The following SEL1L2 variants were observed in gnomAD, a reference collection of about 807,000 sequenced individuals.
The protein encoded by SEL1L2 is protein sel-1 homolog 2.
In SEL1L2, 89 loss-of-function variants were observed where a neutral mutation model predicts 98.8. The observed-to-expected ratio is 0.90, with a 90% confidence interval of 0.76 to 1.07. The LOEUF (loss-of-function observed/expected upper bound fraction) is 1.07. SEL1L2 is among the 50% of genes least tolerant of loss of function. The pLI, the probability that SEL1L2 is intolerant of heterozygous loss-of-function variation, is 0.00. For synonymous variants in SEL1L2, 262 were observed against 278.5 expected (o/e 0.94, Z 0.59); for missense variants, 788 against 812.0 (o/e 0.97, Z 0.36).
At chr20:13,980,282 C>T (rs1033216266) in intron 1 of SEL1L2, among the ~76,000 whole-genome samples, 3 of 152,198 alleles carry the variant, frequency 2.0e-5, no homozygotes, top group Non-Finnish European at 4.4e-5. Context: ...GTGGCGTGAT[C>T]TCAGCCCACT....
At chr20:13,872,997 T>C (rs1815979101) in intron 12 of SEL1L2, among the ~76,000 whole-genome samples, 1 of 151,300 alleles carries the variant, frequency 6.6e-6, no homozygotes, top group Non-Finnish European at 1.5e-5. Flanking sequence ...TTTTTTCTTT[T>C]TTTTTTTTTT....
At chr20:13,879,389 T>C (rs963235205) in intron 10 of SEL1L2, among the ~76,000 whole-genome samples, 1 of 152,132 alleles carries the variant, frequency 6.6e-6, no homozygotes, top group Admixed American at 6.5e-5. Context: ...TCTTGCTCTG[T>C]CACCCAGGCT....
intron 2 of SEL1L2, among the ~76,000 whole-genome samples, chr20:13,940,862 T>G (rs1352368787): frequency 6.6e-6 from 1 of 151,972 alleles, no homozygotes; most frequent in Non-Finnish European, 1.5e-5. Flanking sequence ...ATCTCACCAC[T>G]GCACTCCAGC....
At chr20:13,927,067 G>A (rs1174119004) in intron 3 of SEL1L2, among the ~76,000 whole-genome samples, 2 of 152,178 alleles carry the variant, frequency 1.3e-5, no homozygotes, top group Non-Finnish European at 2.9e-5. Flanking sequence ...TCATATGGAA[G>A]AATTAGTTGT....
chr20:13,916,777 G>T (rs901736139), intron 4 of SEL1L2, among the ~76,000 whole-genome samples: 1 of 152,096 alleles, frequency 6.6e-6, no homozygotes, highest in South Asian at 2.1e-4. Flanking sequence ...CTGCATTCCA[G>T]CCTGGGCAAC....
chr20:13,849,516 A>T lies in SEL1L2; in HGVS notation c.2036T>A (p.Leu679Gln). ...ATGGTGATTTCTAAGCAACAAAATC[A>T]GCCCAGGAACAATGAGGCCAATCAC... is the stretch of plus-strand genomic sequence containing the variant. ...LFVIGLIVPG[L>Q]ILLLRNHHG Residue 679 changes from leucine to glutamine, a missense_variant, in exon 20 of 20, where the codon CTG (leucine) becomes CAG (glutamine). By Grantham distance (113) the Leu-to-Gln change is moderately radical. Transcript: ENST00000284951. 9 of 1,614,126 alleles carry T rather than the reference A, an allele frequency of 5.6e-6. No homozygotes were observed. Among genetic ancestry groups the T allele is most frequent in the Non-Finnish European group, 7.6e-6 (9 of 1,179,972 alleles).
intron 4 of SEL1L2, among the ~76,000 whole-genome samples, chr20:13,916,506 G>A (rs1455121389): frequency 2.6e-5 from 4 of 152,050 alleles, no homozygotes; most frequent in Non-Finnish European, 5.9e-5. Flanking sequence ...CATTGCTACC[G>A]ACTCAAAAGG....
chr20:13,878,385 C>T (rs1166659999), intron 10 of SEL1L2, among the ~76,000 whole-genome samples: 2 of 151,248 alleles, frequency 1.3e-5, no homozygotes, highest in East Asian at 2.0e-4. Flanking sequence ...CTCACTGCAA[C>T]CTCCATCTTC....
intron 1 of SEL1L2, among the ~76,000 whole-genome samples, chr20:13,990,032 T>C (rs1022245720): frequency 3.3e-5 from 5 of 152,218 alleles, no homozygotes; most frequent in African/African-American, 9.6e-5. Flanking sequence ...TTAGGAAACA[T>C]TGAAACTTTG....
At chr20:13,879,373 A>G (rs1356339016) in intron 10 of SEL1L2, among the ~76,000 whole-genome samples, 3 of 152,084 alleles carry the variant, frequency 2.0e-5, no homozygotes, top group African/African-American at 7.2e-5. Context: ...TTTTTTTGAG[A>G]CAGAGTCTTG....
At chr20:13,851,614 T>C (rs1014875326) in intron 18 of SEL1L2, among the ~76,000 whole-genome samples, 2 of 152,156 alleles carry the variant, frequency 1.3e-5, no homozygotes, top group Non-Finnish European at 2.9e-5. Context: ...TGTGTTGCTT[T>C]ATTTTTGGTT....
chr20:13,949,098 A>G (rs1479044055), intron 2 of SEL1L2, among the ~76,000 whole-genome samples: 1 of 152,250 alleles, frequency 6.6e-6, no homozygotes, highest in Non-Finnish European at 1.5e-5. Flanking sequence ...CTATCCACAG[A>G]GTGAAAAGAC....
At chr20:13,991,300 A>G (rs745449667), upstream of SEL1L2, among the ~76,000 whole-genome samples, 1 of 152,244 alleles carries the variant, frequency 6.6e-6, no homozygotes, top group Non-Finnish European at 1.5e-5. Flanking sequence ...TTAGAAATAG[A>G]CATTTTATTG....
chr20:13,923,258 C>T (rs1264469915), intron 3 of SEL1L2, among the ~76,000 whole-genome samples: 2 of 152,046 alleles, frequency 1.3e-5, no homozygotes, highest in Non-Finnish European at 2.9e-5. Flanking sequence ...TTCAAATTTC[C>T]ATTCTAAGTT....
chr20:13,930,717 A>C (rs1053003781), intron 3 of SEL1L2, among the ~76,000 whole-genome samples: 12 of 152,220 alleles, frequency 7.9e-5, no homozygotes, highest in Non-Finnish European at 1.5e-4. Flanking sequence ...TCAGAAAAAA[A>C]CAGAGACTAA....
At chr20:13,952,386 T>A (rs547034039) in intron 2 of SEL1L2, among the ~76,000 whole-genome samples, 1 of 152,320 alleles carries the variant, frequency 6.6e-6, no homozygotes, top group African/African-American at 2.4e-5. Flanking sequence ...GTCATGCTAG[T>A]ATCCATGGCA....
intron 5 of SEL1L2, among the ~76,000 whole-genome samples, chr20:13,902,892 C>A (rs758870434): frequency 2.0e-5 from 3 of 151,990 alleles, no homozygotes; most frequent in East Asian, 1.9e-4. Context: ...CCAAGGCGGG[C>A]GGATCATGAG....
intron 14 of SEL1L2, among the ~76,000 whole-genome samples, chr20:13,868,893 C>T (rs1452163994): frequency 4.6e-5 from 7 of 152,094 alleles, no homozygotes; most frequent in South Asian, 2.1e-4. Context: ...CCACCACGCC[C>T]GGCCTCTTAC....
At chr20:13,911,194 G>A (rs2048191703) in intron 5 of SEL1L2, among the ~76,000 whole-genome samples, 1 of 152,310 alleles carries the variant, frequency 6.6e-6, no homozygotes, top group Non-Finnish European at 1.5e-5. Context: ...AAATTGTGCT[G>A]CAGTTATTTG....
Sources: gnomAD v4.1 joint callset for allele counts (sites outside exome capture counted in the v4.1 genomes callset) on GRCh38, gnomAD v4.1.1 for gene constraint, MANE v1.5 for transcripts, NCBI Gene and HGNC (gene_info 2026-07-23, HGNC 2026-07-21) for gene names.